The following GRM3 variants were observed in gnomAD, a reference collection of about 807,000 sequenced individuals.
The protein encoded by GRM3 is metabotropic glutamate receptor 3.
Under a neutral mutation model 70.5 loss-of-function variants are expected in GRM3, and 26 were observed. That is an observed-to-expected ratio of 0.37 (90% CI 0.27 to 0.51). The LOEUF is 0.51. GRM3 is among the 20% of genes least tolerant of loss of function. GRM3 has a pLI of 0.93. For missense variants in GRM3, 859 were observed against 1,123.8 expected (o/e 0.76, Z 3.37); for synonymous variants, 443 against 434.9 (o/e 1.02, Z -0.23).
At chr7:86,833,072 T>C (rs913688120) in intron 3 of GRM3, 2 of 978,632 alleles carry the variant, frequency 2.0e-6, no homozygotes, top group South Asian at 9.5e-5. Context: ...AAGTGATGTA[T>C]TTTTCCATTT....
At chr7:86,819,610 A>G (rs139042285) in intron 3 of GRM3, among the ~76,000 whole-genome samples, 70 of 152,292 alleles carry the variant, frequency 4.6e-4, no homozygotes, top group African/African-American at 1.5e-3. Flanking sequence ...CAAGCACATC[A>G]CAATGGCTAT....
intron 3 of GRM3, among the ~76,000 whole-genome samples, chr7:86,798,093 GTGGAGCC>G (rs1430164894): frequency 6.6e-6 from 1 of 152,240 alleles, no homozygotes; most frequent in Non-Finnish European, 1.5e-5. Context: ...TGCTGCAGGG[GTGGAGCC>G]TTCATGGAGA....
intron 1 of GRM3, among the ~76,000 whole-genome samples, chr7:86,675,871 TCA>T (rs1414497365): frequency 1.3e-5 from 2 of 152,094 alleles, no homozygotes; most frequent in Admixed American, 6.6e-5. Flanking sequence ...CAAGAATAAT[TCA>T]CAGTGTAGAC....
rs1424243678 is a variant in GRM3, at chr7:86,644,705, G to A, written c.-308G>A. On this transcript the variant is annotated 5_prime_UTR_variant, in exon 1 of 6. Coordinates refer to ENST00000361669, the MANE Select transcript of GRM3 (RefSeq NM_000840.3). ...GCTGCGCGCACAAGTTGGCCATTTC[G>A]AGGGCAAAATAAGTTCTCCCTTGGA... is the stretch of plus-strand genomic sequence containing the variant. 7.0e-6 allele frequency: 7 copies of A among 1,003,684 alleles called. No homozygotes were observed. Among genetic ancestry groups the A allele is most frequent in the Non-Finnish European group, 9.6e-6 (7 of 727,276 alleles). The allele number at this position is 1,003,684 out of a possible 1,614,324, so 62.2% of individuals were successfully genotyped here. A position where few individuals can be genotyped will look rare whatever the true frequency, so the allele number is the denominator to read the frequency against.
chr7:86,814,086 G>A (rs2116664321), intron 3 of GRM3, among the ~76,000 whole-genome samples: 1 of 151,872 alleles, frequency 6.6e-6, no homozygotes. Context: ...AAGATGTACA[G>A]AGAAGACACC....
At chr7:86,683,582 T>TC (rs1166052183) in intron 1 of GRM3, among the ~76,000 whole-genome samples, 1 of 151,988 alleles carries the variant, frequency 6.6e-6, no homozygotes, top group East Asian at 1.9e-4. Context: ...CTAAAGAGTA[T>TC]CCAGAGAGAT....
chr7:86,651,195 T>G (rs558673274), intron 1 of GRM3, among the ~76,000 whole-genome samples: 1 of 152,306 alleles, frequency 6.6e-6, no homozygotes, highest in South Asian at 2.1e-4. Context: ...TATACTTCTT[T>G]TCACACTTCT....
chr7:86,649,374 T>A (rs945391413), intron 1 of GRM3, among the ~76,000 whole-genome samples: 4 of 152,180 alleles, frequency 2.6e-5, no homozygotes, highest in Admixed American at 2.6e-4. Flanking sequence ...TATTGAACAA[T>A]CTTTTTATTG....
chr7:86,750,513 A>G (rs1473452669), intron 1 of GRM3, among the ~76,000 whole-genome samples: 2 of 152,070 alleles, frequency 1.3e-5, no homozygotes, highest in Non-Finnish European at 2.9e-5. Context: ...GAGTTATCTT[A>G]GTGTTTCCTA....
intron 1 of GRM3, among the ~76,000 whole-genome samples, chr7:86,697,319 A>G (rs1250823550): frequency 2.6e-5 from 4 of 152,068 alleles, no homozygotes; most frequent in Non-Finnish European, 4.4e-5. Context: ...ACAAATATAC[A>G]TGGTTTGTAC....
chr7:86,747,601 C>T (rs1796135361), intron 1 of GRM3, among the ~76,000 whole-genome samples: 1 of 151,982 alleles, frequency 6.6e-6, no homozygotes, highest in South Asian at 2.1e-4. Flanking sequence ...CAATAAAGAC[C>T]TTGGGAAGAC....
chr7:86,688,351 TTAAC>T (rs1186059923), intron 1 of GRM3, among the ~76,000 whole-genome samples: 2 of 151,748 alleles, frequency 1.3e-5, no homozygotes, highest in Admixed American at 6.6e-5. Flanking sequence ...TGTGGTTAAA[TTAAC>T]AGTGAAAAAA....
chr7:86,712,099 T>A (rs1795212801), intron 1 of GRM3, among the ~76,000 whole-genome samples: 1 of 152,064 alleles, frequency 6.6e-6, no homozygotes, highest in Admixed American at 6.6e-5. Context: ...TCTTAACTTC[T>A]CTCTCTCCTC....
At chr7:86,739,406 A>T (rs977474878) in intron 1 of GRM3, among the ~76,000 whole-genome samples, 1 of 152,178 alleles carries the variant, frequency 6.6e-6, no homozygotes, top group Non-Finnish European at 1.5e-5. Context: ...GCTTCTGTGA[A>T]TTCAACTTTT....
At chr7:86,742,869 G>A (rs982479490) in intron 1 of GRM3, among the ~76,000 whole-genome samples, 1 of 152,112 alleles carries the variant, frequency 6.6e-6, no homozygotes, top group Non-Finnish European at 1.5e-5. Flanking sequence ...TTAGAACGAG[G>A]ATAATGAAAG....
chr7:86,720,135 A>G (rs1795422268), intron 1 of GRM3, among the ~76,000 whole-genome samples: 1 of 151,986 alleles, frequency 6.6e-6, no homozygotes, highest in African/African-American at 2.4e-5. Context: ...GGTAGAAACA[A>G]GGATAAGAAG....
chr7:86,757,026 T>C (rs1014533733), intron 1 of GRM3, among the ~76,000 whole-genome samples: 1 of 152,140 alleles, frequency 6.6e-6, no homozygotes, highest in African/African-American at 2.4e-5. Flanking sequence ...AGAATCTCCA[T>C]ATAGTATTTT....
intron 1 of GRM3, among the ~76,000 whole-genome samples, chr7:86,649,595 C>T (rs918175573): frequency 6.6e-6 from 1 of 151,976 alleles, no homozygotes; most frequent in Non-Finnish European, 1.5e-5. Flanking sequence ...TATAACTACA[C>T]ACACACATAT....
At position 86,764,637 on chromosome 7, in the gene GRM3, A is replaced by T. The variant is rs117192294; in HGVS notation, c.-140-369A>T. Among the ~76,000 whole-genome samples, 118 of 152,244 alleles carry T rather than the reference A, an allele frequency of 7.8e-4. 2 individuals carry two copies. The East Asian group carries it at 0.017, about 22-fold the overall frequency. On this transcript the variant is annotated intron_variant, in intron 1 of 5. Transcript: ENST00000361669. The stretch of plus-strand genomic sequence containing the variant: ...AGAAGGGATATAAACTCACATCCAC[A>T]TTGCTGCCCTAACAAAAACAAAGTA...
Sources: gnomAD v4.1 joint callset for allele counts (sites outside exome capture counted in the v4.1 genomes callset) on GRCh38, gnomAD v4.1.1 for gene constraint, MANE v1.5 for transcripts, NCBI Gene and HGNC (gene_info 2026-07-23, HGNC 2026-07-21) for gene names.